Variants in PTPRK observed in about 807,000 individuals in gnomAD.
PTPRK encodes protein tyrosine phosphatase receptor type K.
Under a neutral mutation model 178.0 loss-of-function variants are expected in PTPRK, and 75 were observed. That is an observed-to-expected ratio of 0.42 (90% CI 0.35 to 0.51). PTPRK has a LOEUF of 0.51. Ranked by LOEUF, PTPRK falls within the 20% of genes least tolerant of loss-of-function variation. The pLI is 0.02. For missense variants in PTPRK, 1,441 were observed against 1,797.8 expected (o/e 0.80, Z 3.59); for synonymous variants, 637 against 620.6 (o/e 1.03, Z -0.39).
intron 6 of PTPRK, among the ~76,000 whole-genome samples, chr6:128,202,521 G>A (rs556683556): frequency 1.1e-4 from 16 of 152,276 alleles, no homozygotes; most frequent in Admixed American, 2.0e-4. Flanking sequence ...TGAATACAGG[G>A]AGCCAAGCAG....
At chr6:128,347,284 G>A (rs575515237) in intron 2 of PTPRK, among the ~76,000 whole-genome samples, 7 of 152,114 alleles carry the variant, frequency 4.6e-5, no homozygotes, top group Non-Finnish European at 1.0e-4. Context: ...TAAACATGCT[G>A]ACTCAGGGAA....
At chr6:128,435,046 C>CAGGAAGGAAGGA (rs759976402) in intron 1 of PTPRK, among the ~76,000 whole-genome samples, 43 of 72,476 alleles carry the variant, frequency 5.9e-4, no homozygotes, top group East Asian at 1.1e-3. Flanking sequence ...GGCAGGAAGG[C>CAGGAAGGAAGGA]AGGAAGGAAG....
chr6:128,229,097 T>G (rs993017783), intron 5 of PTPRK, among the ~76,000 whole-genome samples: 2 of 152,002 alleles, frequency 1.3e-5, no homozygotes, highest in African/African-American at 2.4e-5. Context: ...ACGTACAAAA[T>G]TACTAGATAT....
chr6:128,040,467 G>A (rs904422995), intron 13 of PTPRK, among the ~76,000 whole-genome samples: 1 of 151,958 alleles, frequency 6.6e-6, no homozygotes, highest in South Asian at 2.1e-4. Context: ...ACAAGAACCA[G>A]GAAGTTTCCT....
At chr6:128,340,515 T>C (rs1460324430) in intron 2 of PTPRK, among the ~76,000 whole-genome samples, 1 of 152,176 alleles carries the variant, frequency 6.6e-6, no homozygotes, top group African/African-American at 2.4e-5. Flanking sequence ...AACTCCTAAT[T>C]CAATGTTTCT....
chr6:128,261,874 T>C (rs1818235663), intron 3 of PTPRK, among the ~76,000 whole-genome samples: 1 of 152,052 alleles, frequency 6.6e-6, no homozygotes, highest in Non-Finnish European at 1.5e-5. Flanking sequence ...AAGACACAAA[T>C]TCCACAAGAA....
At chr6:128,303,841 T>C (rs886793503) in intron 3 of PTPRK, among the ~76,000 whole-genome samples, 5 of 152,216 alleles carry the variant, frequency 3.3e-5, no homozygotes, top group African/African-American at 1.2e-4. Context: ...TTCATAATGA[T>C]TGCAGTTCCA....
At chr6:127,972,079 T>C (rs1325037980) in intron 29 of PTPRK, among the ~76,000 whole-genome samples, 1 of 152,108 alleles carries the variant, frequency 6.6e-6, no homozygotes, top group Non-Finnish European at 1.5e-5. Flanking sequence ...GGAAGTCTGG[T>C]ACCGCTTGTA....
intron 24 of PTPRK, among the ~76,000 whole-genome samples, chr6:127,982,565 C>T (rs936373935): frequency 3.3e-5 from 5 of 152,170 alleles, no homozygotes; most frequent in Admixed American, 6.5e-5. Context: ...TGAGCCACTG[C>T]GCCTGGCCTA....
At chr6:128,208,462 G>A (rs1807389256) in intron 6 of PTPRK, among the ~76,000 whole-genome samples, 1 of 152,040 alleles carries the variant, frequency 6.6e-6, no homozygotes, top group African/African-American at 2.4e-5. Context: ...TTACAAAGAA[G>A]AGGAAAAAGA....
intron 10 of PTPRK, among the ~76,000 whole-genome samples, chr6:128,081,001 G>A (rs190094573): frequency 3.1e-3 from 476 of 151,836 alleles, no homozygotes; most frequent in Non-Finnish European, 4.4e-3. Flanking sequence ...CAGTATCTGA[G>A]CCTTGAGAGA....
intron 7 of PTPRK, among the ~76,000 whole-genome samples, chr6:128,136,622 A>C (rs1795059399): frequency 6.6e-6 from 1 of 152,234 alleles, no homozygotes; most frequent in African/African-American, 2.4e-5. Flanking sequence ...ACCTGTCTGC[A>C]AAACACTGTA....
At chr6:128,065,740 T>A (rs1159154198) in intron 12 of PTPRK, among the ~76,000 whole-genome samples, 1 of 152,166 alleles carries the variant, frequency 6.6e-6, no homozygotes, top group Non-Finnish European at 1.5e-5. Context: ...AAAAATAAAA[T>A]GTTGCACTTC....
chr6:128,059,955 G>C (rs1275560334), intron 13 of PTPRK, among the ~76,000 whole-genome samples: 2 of 152,216 alleles, frequency 1.3e-5, no homozygotes, highest in East Asian at 3.9e-4. Context: ...TGAAAACAGT[G>C]ATCATGCACC....
intron 2 of PTPRK, among the ~76,000 whole-genome samples, chr6:128,329,405 A>ACG (rs1829989372): frequency 6.6e-6 from 1 of 151,430 alleles, no homozygotes; most frequent in African/African-American, 2.4e-5. Context: ...ACACACACAC[A>ACG]CACACAATAT....
chr6:128,165,590 T>C (rs199785490), intron 7 of PTPRK, among the ~76,000 whole-genome samples: 85 of 151,138 alleles, frequency 5.6e-4, no homozygotes, highest in African/African-American at 1.9e-3. Context: ...TATATGAATA[T>C]ATAAATACCA....
intron 3 of PTPRK, among the ~76,000 whole-genome samples, chr6:128,277,891 A>C (rs1820983900): frequency 6.6e-6 from 1 of 151,246 alleles, no homozygotes. Flanking sequence ...CTATTTGCTA[A>C]TACTGACAAA....
intron 15 of PTPRK, among the ~76,000 whole-genome samples, chr6:128,000,900 C>T (rs933591345): frequency 3.3e-5 from 5 of 152,122 alleles, no homozygotes; most frequent in African/African-American, 9.6e-5. Context: ...GTGAGAAACA[C>T]AGAATTCACC....
At chr6:128,209,670 A>G (rs1292412651) in intron 6 of PTPRK, among the ~76,000 whole-genome samples, 2 of 152,154 alleles carry the variant, frequency 1.3e-5, no homozygotes, top group East Asian at 3.8e-4. Context: ...CAGAGATCCA[A>G]TCATGAGTGA....
Sources: allele counts gnomAD v4.1 joint callset (sites outside exome capture counted in the v4.1 genomes callset), GRCh38; gene constraint gnomAD v4.1.1; transcripts MANE v1.5; gene names NCBI Gene and HGNC (gene_info 2026-07-23, HGNC 2026-07-21).